Variants in CFAP299 observed in about 807,000 individuals in gnomAD.
CFAP299 encodes cilia- and flagella-associated protein 299.
Under a neutral mutation model 27.0 loss-of-function variants are expected in CFAP299, and 21 were observed. The ratio of observed to expected loss-of-function variants is 0.78; its 90% CI spans 0.55 to 1.12. CFAP299 has a LOEUF of 1.12. Among genes scored for constraint, CFAP299 ranks in the 50% most tolerant of loss-of-function variants. CFAP299 has a pLI of 0.00. For synonymous variants in CFAP299, 104 were observed against 98.1 expected, an observed-to-expected ratio of 1.06 and a Z score of -0.36; for missense variants, 310 against 276.6, an observed-to-expected ratio of 1.12 and a Z score of -0.86.
At chr4:80,398,887 A>G (rs1578400673) in intron 2 of CFAP299, among the ~76,000 whole-genome samples, 1 of 152,188 alleles carries the variant, frequency 6.6e-6, no homozygotes, top group East Asian at 1.9e-4. Context: ...AGAAACTACC[A>G]TCAGAGTGAA....
upstream of CFAP299, among the ~76,000 whole-genome samples, chr4:80,335,311 T>C (rs984064300): frequency 1.1e-4 from 17 of 152,344 alleles, no homozygotes; most frequent in African/African-American, 3.8e-4. Flanking sequence ...TTAAAAATAA[T>C]TTAACAAAAT....
chr4:80,618,648 G>A (rs1389003947), intron 3 of CFAP299, among the ~76,000 whole-genome samples: 2 of 152,004 alleles, frequency 1.3e-5, no homozygotes, highest in African/African-American at 2.4e-5. Context: ...TGAGGCAGAG[G>A]GGAGTTCTCT....
chr4:80,865,723 G>A (rs994535422), intron 3 of CFAP299, among the ~76,000 whole-genome samples: 2 of 151,816 alleles, frequency 1.3e-5, no homozygotes, highest in African/African-American at 4.8e-5. Flanking sequence ...TATACACCAT[G>A]GAATACTATG....
chr4:80,876,649 G>A (rs975376175), intron 4 of CFAP299, among the ~76,000 whole-genome samples: 1 of 152,088 alleles, frequency 6.6e-6, no homozygotes, highest in African/African-American at 2.4e-5. Context: ...CTTAACCAAA[G>A]TTATATACAG....
rs551533760 is a variant in CFAP299 at position 80,695,965 on chromosome 4, A to G, written c.333+112782A>G. Among the ~76,000 whole-genome samples the G allele has an allele frequency of 1.0e-3, 156 of 152,202 alleles. 1 individual carries two copies. Among genetic ancestry groups the G allele is most frequent in the African/African-American group, 3.6e-3 (148 of 41,538 alleles). Reference sequence around the variant, plus strand: ...GCGCCCAGCTGTTTTCTTAAATACTATACTATCTTGGGGATAAAGCCTGTC... The same window carrying G: ...GCGCCCAGCTGTTTTCTTAAATACTGTACTATCTTGGGGATAAAGCCTGTC... On this transcript the variant is annotated intron_variant, in intron 3 of 5. Transcript: ENST00000358105.
At chr4:80,372,736 AT>A (rs1724207090) in intron 2 of CFAP299, among the ~76,000 whole-genome samples, 1 of 152,220 alleles carries the variant, frequency 6.6e-6, no homozygotes, top group Non-Finnish European at 1.5e-5. Context: ...CACTGATGGA[AT>A]CAATCAATGT....
At chr4:80,559,855 T>C (rs1734953927) in intron 2 of CFAP299, among the ~76,000 whole-genome samples, 1 of 152,210 alleles carries the variant, frequency 6.6e-6, no homozygotes, top group Non-Finnish European at 1.5e-5. Flanking sequence ...TACTGAGGGC[T>C]ACTGTACTCT....
At chr4:80,354,694 G>A (rs1369711765) in intron 1 of CFAP299, among the ~76,000 whole-genome samples, 1 of 151,946 alleles carries the variant, frequency 6.6e-6, no homozygotes, top group Non-Finnish European at 1.5e-5. Flanking sequence ...TCTGATAGCT[G>A]CCAGTGTGTG....
At chr4:80,538,050 G>A (rs1448959592) in intron 2 of CFAP299, among the ~76,000 whole-genome samples, 1 of 151,970 alleles carries the variant, frequency 6.6e-6, no homozygotes, top group Non-Finnish European at 1.5e-5. Context: ...ATAAACCATG[G>A]CCCATAAGAT....
intron 3 of CFAP299, among the ~76,000 whole-genome samples, chr4:80,749,507 C>T (rs1724814377): frequency 6.6e-6 from 1 of 152,172 alleles, no homozygotes; most frequent in Non-Finnish European, 1.5e-5. Flanking sequence ...AATAGGCCAT[C>T]TGCAAGTTGA....
intron 3 of CFAP299, among the ~76,000 whole-genome samples, chr4:80,656,561 T>C (rs1740567798): frequency 6.6e-6 from 1 of 152,192 alleles, no homozygotes. Context: ...GAACTCATCC[T>C]TTTTTATGGC....
At chr4:80,545,870 T>G (rs1217773434) in intron 2 of CFAP299, among the ~76,000 whole-genome samples, 1 of 151,814 alleles carries the variant, frequency 6.6e-6, no homozygotes, top group Non-Finnish European at 1.5e-5. Context: ...AATAGTAAAC[T>G]GAATCCAGCA....
intron 2 of CFAP299, among the ~76,000 whole-genome samples, chr4:80,557,585 A>G (rs1734840442): frequency 6.6e-6 from 1 of 152,114 alleles, no homozygotes; most frequent in Non-Finnish European, 1.5e-5. Context: ...TACTCATTGC[A>G]TATATCTGAT....
chr4:80,924,520 G>A lies in CFAP299; in HGVS notation c.477-20290G>A, dbSNP rs1396365130. On this transcript the variant is annotated intron_variant, in intron 4 of 5. Transcript: ENST00000358105. Reference sequence around the variant, plus strand: ...AATCGTGTGACAATTCATTATGTGTGTGTGTGTGTGTGTGTGTGTATATAT... The same window carrying A: ...AATCGTGTGACAATTCATTATGTGTATGTGTGTGTGTGTGTGTGTATATAT... Among the ~76,000 whole-genome samples, 10 of 136,242 alleles carry A rather than the reference G, an allele frequency of 7.3e-5. No homozygotes were observed. In the Admixed American group the frequency reaches 7.4e-4, roughly 10 times the overall value. 89.4% of individuals were successfully genotyped at this position (136,242 alleles called of 152,430 possible).
chr4:80,657,111 G>T (rs1740596188), intron 3 of CFAP299, among the ~76,000 whole-genome samples: 1 of 151,426 alleles, frequency 6.6e-6, no homozygotes, highest in African/African-American at 2.4e-5. Flanking sequence ...TAAGTTCCTT[G>T]TAGATTCTGG....
chr4:80,476,403 T>A (rs1231542447), intron 2 of CFAP299, among the ~76,000 whole-genome samples: 1 of 152,016 alleles, frequency 6.6e-6, no homozygotes, highest in African/African-American at 2.4e-5. Flanking sequence ...GTGGCTGCAG[T>A]GGGGAGAGGC....
At chr4:80,481,983 A>G (rs569096685) in intron 2 of CFAP299, among the ~76,000 whole-genome samples, 14 of 152,108 alleles carry the variant, frequency 9.2e-5, no homozygotes, top group African/African-American at 1.4e-4. Context: ...TTGTATATAT[A>G]GAAAATATGG....
chr4:80,447,986 A>T (rs778235574), intron 2 of CFAP299, among the ~76,000 whole-genome samples: 8 of 152,150 alleles, frequency 5.3e-5, no homozygotes, highest in Non-Finnish European at 1.2e-4. Context: ...GCATTTGTGG[A>T]TCTGTGCAGC....
At chr4:80,662,565 G>A (rs1369240387) in intron 3 of CFAP299, among the ~76,000 whole-genome samples, 14 of 152,166 alleles carry the variant, frequency 9.2e-5, no homozygotes, top group Admixed American at 9.2e-4. Flanking sequence ...GCAAAATGCT[G>A]CTACTTAATT....
Sources: allele counts gnomAD v4.1 joint callset (sites outside exome capture counted in the v4.1 genomes callset), GRCh38; gene constraint gnomAD v4.1.1; transcripts MANE v1.5; gene names NCBI Gene and HGNC (gene_info 2026-07-23, HGNC 2026-07-21).